Variants in FRMD4A observed in about 807,000 individuals in gnomAD.
FRMD4A encodes the protein FERM domain containing 4A.
A neutral mutation model predicts 129.1 loss-of-function variants in FRMD4A; 29 were observed. The ratio of observed to expected loss-of-function variants is 0.22; its 90% CI spans 0.17 to 0.31. The LOEUF (loss-of-function observed/expected upper bound fraction) is 0.31. FRMD4A is among the 10% of genes least tolerant of loss of function. The pLI is 1.00. For missense variants in FRMD4A, 1,272 were observed against 1,375.8 expected (o/e 0.92, Z 1.19); for synonymous variants, 634 against 571.6 (o/e 1.11, Z -1.56).
chr10:14,247,963 A>T (rs139681653), intron 2 of FRMD4A, among the ~76,000 whole-genome samples: 61 of 152,328 alleles, frequency 4.0e-4, no homozygotes, highest in African/African-American at 1.4e-3. Context: ...GCCAAACCTC[A>T]TCCTAAGCCA....
chr10:14,296,721 C>A (rs1846020964), intron 2 of FRMD4A, among the ~76,000 whole-genome samples: 2 of 152,212 alleles, frequency 1.3e-5, no homozygotes, highest in African/African-American at 4.8e-5. Context: ...ATTACAACCA[C>A]TCTCTGCCCC....
intron 2 of FRMD4A, among the ~76,000 whole-genome samples, chr10:14,156,553 G>T (rs905969135): frequency 1.3e-4 from 20 of 152,220 alleles, no homozygotes; most frequent in African/African-American, 4.8e-4. Context: ...CCCTGGGAGG[G>T]GAGAGGGAGG....
intron 2 of FRMD4A, among the ~76,000 whole-genome samples, chr10:14,296,496 G>A (rs139805294): frequency 9.4e-4 from 143 of 152,168 alleles, no homozygotes; most frequent in African/African-American, 2.7e-3. Flanking sequence ...CCTCCAAACT[G>A]CCCTCAGGTG....
chr10:14,056,209 T>G (rs562293910), intron 2 of FRMD4A, among the ~76,000 whole-genome samples: 9 of 152,254 alleles, frequency 5.9e-5, no homozygotes, highest in African/African-American at 2.2e-4. Context: ...TTTTTGTATT[T>G]TTAGTAGAGA....
chr10:14,079,649 G>C (rs1564269782), intron 2 of FRMD4A, among the ~76,000 whole-genome samples: 1 of 152,170 alleles, frequency 6.6e-6, no homozygotes, highest in East Asian at 1.9e-4. Context: ...GATTCTGTGT[G>C]TCCCTTGGTA....
chr10:14,080,614 G>T (rs1835875486), intron 2 of FRMD4A, among the ~76,000 whole-genome samples: 6 of 152,002 alleles, frequency 3.9e-5, no homozygotes, highest in Admixed American at 2.6e-4. Flanking sequence ...TTTGGATCCT[G>T]GACACAGCTA....
chr10:13,651,245 G>A (rs2081553006), intron 24 of FRMD4A: 1 of 152,286 alleles, frequency 6.6e-6, no homozygotes, highest in African/African-American at 2.4e-5. Context: ...ATTTGGAAAA[G>A]CAGTGCTCAT....
At chr10:14,085,985 G>C (rs1337498255) in intron 2 of FRMD4A, among the ~76,000 whole-genome samples, 1 of 152,072 alleles carries the variant, frequency 6.6e-6, no homozygotes, top group Non-Finnish European at 1.5e-5. Flanking sequence ...TTTAATACGA[G>C]CGCCAGTAAA....
intron 4 of FRMD4A, among the ~76,000 whole-genome samples, chr10:13,803,343 T>G (rs1211880565): frequency 6.6e-6 from 1 of 152,114 alleles, no homozygotes; most frequent in African/African-American, 2.4e-5. Flanking sequence ...AAATGTTTTA[T>G]TTTTTAGAGA....
chr10:14,193,924 T>C (rs1589151515), intron 2 of FRMD4A, among the ~76,000 whole-genome samples: 1 of 152,276 alleles, frequency 6.6e-6, no homozygotes, highest in South Asian at 2.1e-4. Context: ...TCTCTGAATT[T>C]TTCCTGATTC....
intron 12 of FRMD4A, among the ~76,000 whole-genome samples, chr10:13,716,352 G>A (rs1400794129): frequency 1.3e-5 from 2 of 152,212 alleles, no homozygotes; most frequent in Non-Finnish European, 2.9e-5. Flanking sequence ...ACAGAACAGA[G>A]TGGGCTATAA....
chr10:13,897,939 A>C (rs1405806262), intron 2 of FRMD4A, among the ~76,000 whole-genome samples: 2 of 135,380 alleles, frequency 1.5e-5, no homozygotes, highest in Non-Finnish European at 3.2e-5. Flanking sequence ...TCCGACTCAA[A>C]AAAAAAAAAA....
chr10:13,921,847 T>A (rs1490971365), intron 2 of FRMD4A, among the ~76,000 whole-genome samples: 1 of 152,206 alleles, frequency 6.6e-6, no homozygotes, highest in Non-Finnish European at 1.5e-5. Flanking sequence ...TCCGTGTATG[T>A]TAAGAATTTA....
chr10:13,842,860 C>T (rs1005410667), intron 3 of FRMD4A, among the ~76,000 whole-genome samples: 14 of 152,062 alleles, frequency 9.2e-5, no homozygotes, highest in Non-Finnish European at 1.8e-4. Flanking sequence ...AAAGACAGTG[C>T]TTTATTCTGA....
At chr10:14,049,778 C>T (rs570208253) in intron 2 of FRMD4A, among the ~76,000 whole-genome samples, 5 of 152,270 alleles carry the variant, frequency 3.3e-5, no homozygotes, top group East Asian at 1.9e-4. Flanking sequence ...TCGCTTGAAC[C>T]GTGGAGGCAG....
intron 12 of FRMD4A, among the ~76,000 whole-genome samples, chr10:13,717,130 G>A (rs1434676824): frequency 6.6e-6 from 1 of 152,104 alleles, no homozygotes; most frequent in Non-Finnish European, 1.5e-5. Context: ...CTGTGCTCCA[G>A]TCTTTCCTTG....
chr10:14,004,794 T>C (rs1206393100), intron 2 of FRMD4A, among the ~76,000 whole-genome samples: 6 of 152,126 alleles, frequency 3.9e-5, no homozygotes, highest in African/African-American at 2.4e-5. Context: ...AAATATTCAA[T>C]AGTTAAAGAG....
rs1365061844 is a variant in FRMD4A at position 13,646,805 on chromosome 10, A to C, written c.*233T>G. On this transcript the variant is annotated 3_prime_UTR_variant, in exon 25 of 25. Coordinates refer to ENST00000357447, the MANE Select transcript of FRMD4A (RefSeq NM_018027.5). ...GGTTTTCAAGGGGGAGGGAATGCGG[A>C]GACAGGAGAAAAAAAGTGCTGAGGG... is the stretch of plus-strand genomic sequence containing the variant. The C allele has an allele frequency of 6.5e-6, 1 of 154,778 alleles. No homozygotes were observed. Among genetic ancestry groups the C allele is most frequent in the Non-Finnish European group, 1.4e-5 (1 of 69,990 alleles). 9.6% of individuals were successfully genotyped at this position (154,778 alleles called of 1,614,324 possible). A position where few individuals can be genotyped will look rare whatever the true frequency, so the allele number is the denominator to read the frequency against.
intron 2 of FRMD4A, among the ~76,000 whole-genome samples, chr10:13,902,425 C>G (rs1162672351): frequency 3.5e-5 from 5 of 143,346 alleles, no homozygotes; most frequent in Non-Finnish European, 4.5e-5. Flanking sequence ...GGCATTTAGA[C>G]TTATGGAAAT....
Sources: gnomAD v4.1 joint callset for allele counts (sites outside exome capture counted in the v4.1 genomes callset) on GRCh38, gnomAD v4.1.1 for gene constraint, MANE v1.5 for transcripts, NCBI Gene and HGNC (gene_info 2026-07-23, HGNC 2026-07-21) for gene names.